TXNDC11: variants seen among roughly 807,000 people sequenced by gnomAD.
TXNDC11 encodes thioredoxin domain-containing protein 11.
In TXNDC11, 68 loss-of-function variants were observed where a neutral mutation model predicts 78.0. The observed-to-expected ratio is 0.87, with a 90% confidence interval of 0.72 to 1.07. TXNDC11 has a LOEUF of 1.07. Ranked by LOEUF, TXNDC11 falls within the 50% of genes least tolerant of loss-of-function variation. The probability of loss-of-function intolerance (pLI) is 0.00; values close to 1 mark genes in which losing one functional copy is unlikely to be tolerated. For synonymous variants in TXNDC11, 571 were observed against 495.2 expected, an observed-to-expected ratio of 1.15 and a Z score of -2.03; for missense variants, 1,389 against 1,221.8, an observed-to-expected ratio of 1.14 and a Z score of -2.04.
chr16:11,722,480 G>A (rs1050103413), intron 4 of TXNDC11, among the ~76,000 whole-genome samples: 1 of 152,170 alleles, frequency 6.6e-6, no homozygotes, highest in Non-Finnish European at 1.5e-5. Context: ...TGTAATAATC[G>A]TATCTGTCTT....
At position 11,691,327 on chromosome 16, in the gene TXNDC11, G is replaced by C. The variant is rs557519265; in HGVS notation, c.1863C>G (p.Ile621Met). 1.2e-6 allele frequency: 2 copies of C among 1,614,178 alleles called. No individual in the cohort carries two copies. Among genetic ancestry groups the C allele is most frequent in the South Asian group, 2.2e-5 (2 of 91,084 alleles). Residue 621 changes from isoleucine to methionine, a missense_variant, in exon 8 of 12, where the codon ATC (isoleucine) becomes ATG (methionine). Coordinates refer to ENST00000283033, the MANE Select transcript of TXNDC11 (RefSeq NM_015914.7). ...TCATCAGTGCTTGCTTTGGATCCAA[G>C]ATGTAATGAGATTCTTCTTTCACGT... is the stretch of plus-strand genomic sequence containing the variant. Reference protein sequence around the residue: ...IVDVKEESHYILDPKQALMKL... With the variant: ...IVDVKEESHYMLDPKQALMKL...
At chr16:11,721,838 C>T (rs1290884798) in intron 4 of TXNDC11, among the ~76,000 whole-genome samples, 168 bp from the exon 5 acceptor site, 1 of 152,158 alleles carries the variant, frequency 6.6e-6, no homozygotes, top group Admixed American at 6.5e-5. Flanking sequence ...TGGGGTTGAA[C>T]ATCCCCTCCA....
chr16:11,691,780 T>C lies in TXNDC11; in HGVS notation c.1410A>G (p.Ala470=). ...VPQCSFFEMA[A]ALDSFYLKEQ... ...CCTTGAGGTAGAAAGAATCCAGAGC[T>C]GCTGCCATTTCAAAAAAGCTGCACT... Residue 470 remains alanine (A), a synonymous_variant, in exon 8 of 12, where the codon GCA becomes GCG. Coordinates refer to ENST00000283033, the MANE Select transcript of TXNDC11 (RefSeq NM_015914.7). 1 of 1,614,266 alleles carries C rather than the reference T, an allele frequency of 6.2e-7. No individual in the cohort carries two copies. Among genetic ancestry groups the C allele is most frequent in the East Asian group, 2.2e-5 (1 of 44,896 alleles).
chr16:11,741,643 T>TA (rs2141135799), intron 1 of TXNDC11, among the ~76,000 whole-genome samples: 1 of 152,298 alleles, frequency 6.6e-6, no homozygotes, highest in Non-Finnish European at 1.5e-5. Context: ...ACTGAAGCTT[T>TA]AAAAAATTAT....
In TXNDC11 at chr16:11,698,164, A is replaced by G; in HGVS notation, c.1068T>C (p.Pro356=). The change falls in exon 7 of 12, where the codon CCT becomes CCC. Residue 356 remains proline (P), a synonymous_variant. Coordinates refer to ENST00000283033, the MANE Select transcript of TXNDC11 (RefSeq NM_015914.7). ...KKGPALFLFI[P]FNPLAESHPL... Reference sequence around the variant, plus strand: ...GATGACTTTCGGCCAGGGGATTAAAAGGTATGAACAGAAACAGCGCTGGTC... The same window carrying G: ...GATGACTTTCGGCCAGGGGATTAAAGGGTATGAACAGAAACAGCGCTGGTC... 6.2e-7 allele frequency: 1 copy of G among 1,614,252 alleles called. No individual in the cohort carries two copies. The highest frequency in any genetic ancestry group is 1.3e-5 in the African/African-American group (1 of 75,058).
At chr16:11,690,773 G>A (rs2050693375) in intron 8 of TXNDC11, 1 of 153,310 alleles carries the variant, frequency 6.5e-6, no homozygotes, top group Non-Finnish European at 1.4e-5. Context: ...CATTAGCCAG[G>A]ATAGTCTCGA....
chr16:11,680,598 C>G (rs933661450), intron 11 of TXNDC11, among the ~76,000 whole-genome samples: 4 of 152,198 alleles, frequency 2.6e-5, no homozygotes, highest in African/African-American at 7.2e-5. Flanking sequence ...GTTTCTCTCA[C>G]ATATCTATTT....
rs974982276 is a variant in TXNDC11, at chr16:11,691,468, G to A, written c.1722C>T (p.Cys574=). 1.2e-5 allele frequency: 20 copies of A among 1,614,068 alleles called. No individual in the cohort carries two copies. The highest frequency in any genetic ancestry group is 1.7e-5 in the Non-Finnish European group (20 of 1,180,026). The change falls in exon 8 of 12, where the codon TGC becomes TGT. Residue 574 remains cysteine (C), a synonymous_variant. Transcript: ENST00000283033. The stretch of plus-strand genomic sequence containing the variant: ...AGATGTTGAGAGTCTTGTTGGTTCT[G>A]CAGCTCAGGCCTGTGAAGTTTGTGC... ...MTSTNFTGLS[C]RTNKTLNIYL...
At position 11,742,511 on chromosome 16, in the gene TXNDC11, AGCCGAGCGCCACGGCCCC is replaced by A; in HGVS notation, c.202_219del (p.Gly68_Gly73del). Reference sequence around the variant, plus strand: ...AACTTGAGGGCGAGGAGCAGCGCGCAGCCGAGCGCCACGGCCCCGCAGAGCAGCTCCGGCCGCTGGCGC... The same window carrying A: ...AACTTGAGGGCGAGGAGCAGCGCGCAGCAGAGCAGCTCCGGCCGCTGGCGC... On this transcript the variant is annotated inframe_deletion, in exon 1 of 12. Transcript: ENST00000283033. 1.4e-6 allele frequency: 2 copies of A among 1,455,442 alleles called. No individual in the cohort carries two copies. The highest frequency in any genetic ancestry group is 2.7e-5 in the South Asian group (2 of 74,894). The allele number at this position is 1,455,442 out of a possible 1,614,324, so 90.2% of individuals were successfully genotyped here.
intron 6 of TXNDC11, among the ~76,000 whole-genome samples, 168 bp from the exon 7 acceptor site, chr16:11,698,493 T>C (rs551582436): frequency 2.6e-5 from 4 of 152,370 alleles, no homozygotes; most frequent in South Asian, 4.1e-4. Flanking sequence ...AGACAGCATT[T>C]CCTCACAAGT....
At chr16:11,731,326 G>A (rs971424737) in intron 3 of TXNDC11, among the ~76,000 whole-genome samples, 5 of 152,164 alleles carry the variant, frequency 3.3e-5, no homozygotes, top group Admixed American at 1.3e-4. Flanking sequence ...ATTATGTGAA[G>A]GTCTGAAGTC....
chr16:11,698,960 T>G (rs1016731534), intron 6 of TXNDC11, among the ~76,000 whole-genome samples: 13 of 152,244 alleles, frequency 8.5e-5, no homozygotes, highest in African/African-American at 3.1e-4. Flanking sequence ...GATTTTTTGC[T>G]TTGTTTTGCT....
chr16:11,696,791 G>A (rs989846478), intron 7 of TXNDC11, among the ~76,000 whole-genome samples: 5 of 152,098 alleles, frequency 3.3e-5, no homozygotes, highest in African/African-American at 9.7e-5. Context: ...AACAACAGGC[G>A]AGAAAGAGTC....
At chr16:11,712,765 T>A (rs897910606) in intron 5 of TXNDC11, among the ~76,000 whole-genome samples, 1 of 151,828 alleles carries the variant, frequency 6.6e-6, no homozygotes, top group Admixed American at 6.6e-5. Flanking sequence ...TCAGCCAGGG[T>A]AACGTGGTGA....
chr16:11,702,620 A>C (rs2141037551), intron 5 of TXNDC11, among the ~76,000 whole-genome samples: 1 of 152,366 alleles, frequency 6.6e-6, no homozygotes, highest in African/African-American at 2.4e-5. Flanking sequence ...CCGCGAGCTG[A>C]GATCCCAAGA....
At chr16:11,686,520 A>G (rs559573993) in intron 10 of TXNDC11, among the ~76,000 whole-genome samples, 1 of 152,312 alleles carries the variant, frequency 6.6e-6, no homozygotes, top group East Asian at 1.9e-4. Context: ...ATTTCTTGTA[A>G]ATGTTGCCAA....
At position 11,717,778 on chromosome 16, in the gene TXNDC11, G is replaced by A. The variant is rs560106652; in HGVS notation, c.793+3799C>T. ...AGAGGTTGCAGTGAGCAGAGATTTC[G>A]CCACTGCACTCCAGCCTGAACGACA... On this transcript the variant is annotated intron_variant, in intron 5 of 11. Coordinates refer to ENST00000283033, the MANE Select transcript of TXNDC11 (RefSeq NM_015914.7). 1.3e-4 allele frequency among the ~76,000 whole-genome samples: 19 copies of A among 151,452 alleles called. 1 individual carries two copies. In the South Asian group the frequency reaches 4.0e-3, roughly 32 times the overall value.
At chr16:11,698,713 G>A (rs964031111) in intron 6 of TXNDC11, among the ~76,000 whole-genome samples, 2 of 152,184 alleles carry the variant, frequency 1.3e-5, no homozygotes, top group Admixed American at 6.5e-5. Context: ...AGAAACTACA[G>A]AGTCAAGGAT....
intron 5 of TXNDC11, among the ~76,000 whole-genome samples, chr16:11,718,602 A>T (rs145131175): frequency 1.4e-3 from 213 of 152,334 alleles, no homozygotes; most frequent in African/African-American, 4.9e-3. Flanking sequence ...AAAACCCCAG[A>T]TGCCCAAGGC....
Sources: gnomAD v4.1 joint callset for allele counts (sites outside exome capture counted in the v4.1 genomes callset) on GRCh38, gnomAD v4.1.1 for gene constraint, MANE v1.5 for transcripts, NCBI Gene and HGNC (gene_info 2026-07-23, HGNC 2026-07-21) for gene names.